Variants in ADAMTSL1 observed in about 807,000 individuals in gnomAD.
ADAMTSL1 encodes ADAMTS-like protein 1.
In ADAMTSL1, 126 loss-of-function variants were observed where a neutral mutation model predicts 201.8. That is an observed-to-expected ratio of 0.62 (90% CI 0.54 to 0.72). The LOEUF is 0.72. Ranked by LOEUF, ADAMTSL1 falls within the 30% of genes least tolerant of loss-of-function variation. The pLI, the probability that ADAMTSL1 is intolerant of heterozygous loss-of-function variation, is 0.00. For synonymous variants in ADAMTSL1, 1,121 were observed against 903.4 expected (o/e 1.24, Z -4.32); for missense variants, 2,679 against 2,277.8 (o/e 1.18, Z -3.59).
chr9:18,581,195 A>G (rs1181777212), intron 4 of ADAMTSL1, among the ~76,000 whole-genome samples: 1 of 151,972 alleles, frequency 6.6e-6, no homozygotes, highest in Non-Finnish European at 1.5e-5. Flanking sequence ...GCATCACTCT[A>G]ATCTCTGCCT....
At position 18,336,670 on chromosome 9, in the gene ADAMTSL1, G is replaced by A. The variant is rs186620543; in HGVS notation, c.208-168159G>A. Among the ~76,000 whole-genome samples, 9 of 152,186 alleles carry A rather than the reference G, an allele frequency of 5.9e-5. 1 individual carries two copies. The East Asian group carries it at 1.2e-3, about 20-fold the overall frequency. On this transcript the variant is annotated intron_variant, in intron 2 of 29. Transcript: ENST00000680146. ...AGGTTACAAAAAGTAAAAGGAACTCGGCAACTCTTGCCCTGCCTGTGTACT... is the reference window on the plus strand; with the variant it reads ...AGGTTACAAAAAGTAAAAGGAACTCAGCAACTCTTGCCCTGCCTGTGTACT...
chr9:18,754,545 G>A (rs930284464), intron 16 of ADAMTSL1, among the ~76,000 whole-genome samples: 2 of 152,290 alleles, frequency 1.3e-5, no homozygotes, highest in African/African-American at 2.4e-5. Flanking sequence ...AAAGGATATA[G>A]TCATCAGTGG....
At chr9:18,168,584 A>G in intron 2 of ADAMTSL1, among the ~76,000 whole-genome samples, 1 of 151,226 alleles carries the variant, frequency 6.6e-6, no homozygotes, top group South Asian at 2.1e-4. Context: ...CGCACTAAAC[A>G]TACGTGTGCC....
intron 1 of ADAMTSL1, among the ~76,000 whole-genome samples, chr9:17,984,773 CCTT>C (rs1412618787): frequency 6.6e-6 from 1 of 152,094 alleles, no homozygotes; most frequent in Non-Finnish European, 1.5e-5. Context: ...TAGACCTTTT[CCTT>C]CTTTTTAAAT....
intron 4 of ADAMTSL1, among the ~76,000 whole-genome samples, chr9:18,591,851 T>G (rs545019997): frequency 6.6e-6 from 1 of 152,302 alleles, no homozygotes; most frequent in East Asian, 1.9e-4. Flanking sequence ...TCCTGCTGGT[T>G]GTGGAGGCAT....
chr9:18,264,378 A>T (rs1029950812), intron 2 of ADAMTSL1, among the ~76,000 whole-genome samples: 2 of 152,100 alleles, frequency 1.3e-5, no homozygotes. Context: ...AAAACATCTG[A>T]TTGTATACCA....
intron 21 of ADAMTSL1, among the ~76,000 whole-genome samples, chr9:18,819,163 A>G (rs1220185965): frequency 6.6e-6 from 1 of 152,138 alleles, no homozygotes. Context: ...GGAGTAAAAG[A>G]ATAGGGGAGG....
At chr9:18,696,194 A>G (rs567751463) in intron 13 of ADAMTSL1, among the ~76,000 whole-genome samples, 7 of 152,198 alleles carry the variant, frequency 4.6e-5, no homozygotes, top group Non-Finnish European at 7.3e-5. Flanking sequence ...TCCAAACCAT[A>G]TCAGCCAGCA....
intron 5 of ADAMTSL1, among the ~76,000 whole-genome samples, chr9:18,623,495 C>T (rs546708681): frequency 4.6e-5 from 7 of 152,138 alleles, no homozygotes; most frequent in African/African-American, 1.7e-4. Context: ...GTCACAGCCC[C>T]GCTGATAGTC....
At chr9:18,696,024 G>A (rs1178228053) in intron 13 of ADAMTSL1, among the ~76,000 whole-genome samples, 1 of 152,172 alleles carries the variant, frequency 6.6e-6, no homozygotes, top group Non-Finnish European at 1.5e-5. Flanking sequence ...GGCAAAGGGA[G>A]AGGTGATACA....
intron 1 of ADAMTSL1, among the ~76,000 whole-genome samples, chr9:18,089,465 G>C (rs187780768): frequency 1.3e-5 from 2 of 151,918 alleles, no homozygotes; most frequent in African/African-American, 2.4e-5. Flanking sequence ...GGGCCTGTCG[G>C]GGGGTGGGGA....
intron 1 of ADAMTSL1, among the ~76,000 whole-genome samples, chr9:18,120,610 A>G (rs981390093): frequency 2.0e-5 from 3 of 152,210 alleles, no homozygotes; most frequent in African/African-American, 7.2e-5. Context: ...TTCATTAAAC[A>G]TTGTGTCCAT....
At chr9:18,750,353 T>C (rs1171108383) in intron 15 of ADAMTSL1, among the ~76,000 whole-genome samples, 2 of 152,224 alleles carry the variant, frequency 1.3e-5, no homozygotes, top group African/African-American at 4.8e-5. Context: ...TTTTGGCTTT[T>C]GAGCTTATGA....
chr9:17,969,670 T>C (rs930405491), intron 1 of ADAMTSL1, among the ~76,000 whole-genome samples: 2 of 152,056 alleles, frequency 1.3e-5, no homozygotes, highest in African/African-American at 4.8e-5. Flanking sequence ...GAACACCTAG[T>C]TGTAGATTAA....
intron 13 of ADAMTSL1, among the ~76,000 whole-genome samples, chr9:18,688,704 A>ATATATATATATATATATATATATATC (rs138160150): frequency 1.9e-4 from 14 of 72,472 alleles, no homozygotes; most frequent in African/African-American, 5.6e-4. Flanking sequence ...ATATATATAT[A>ATATATATATATATATATATATATATC]TATATGACTG....
intron 2 of ADAMTSL1, among the ~76,000 whole-genome samples, chr9:18,261,125 A>C: frequency 6.6e-6 from 1 of 150,684 alleles, no homozygotes; most frequent in African/African-American, 2.4e-5. Context: ...TTTGACTAGA[A>C]CGGAAAGTGA....
chr9:18,150,183 A>G (rs1826846133), intron 1 of ADAMTSL1, among the ~76,000 whole-genome samples: 1 of 152,046 alleles, frequency 6.6e-6, no homozygotes, highest in Admixed American at 6.6e-5. Context: ...CACGGTTATG[A>G]AAAAGATTTC....
At chr9:18,683,268 A>G (rs1384709473) in intron 12 of ADAMTSL1, among the ~76,000 whole-genome samples, 2 of 141,786 alleles carry the variant, frequency 1.4e-5, no homozygotes, top group Non-Finnish European at 3.0e-5. Flanking sequence ...TCTGTTGCCC[A>G]GGCTGGAGTT....
chr9:18,820,418 A>G (rs1824139529), intron 21 of ADAMTSL1, among the ~76,000 whole-genome samples: 1 of 152,206 alleles, frequency 6.6e-6, no homozygotes, highest in Non-Finnish European at 1.5e-5. Context: ...ACACAGAAAA[A>G]TTTAAGAGTC....
Sources: allele counts gnomAD v4.1 joint callset (sites outside exome capture counted in the v4.1 genomes callset), GRCh38; gene constraint gnomAD v4.1.1; transcripts MANE v1.5; gene names NCBI Gene and HGNC (gene_info 2026-07-23, HGNC 2026-07-21).